The following FRZB variants were observed in gnomAD, a reference collection of about 807,000 sequenced individuals.
The protein encoded by FRZB is secreted frizzled-related protein 3.
Under a neutral mutation model 32.5 loss-of-function variants are expected in FRZB, and 34 were observed. The ratio of observed to expected loss-of-function variants is 1.05; its 90% CI spans 0.80 to 1.39. The LOEUF (loss-of-function observed/expected upper bound fraction) is 1.39. FRZB is among the 40% of genes most tolerant of loss of function. The probability of loss-of-function intolerance (pLI) is 0.00; values close to 1 mark genes in which losing one functional copy is unlikely to be tolerated. For synonymous variants in FRZB, 170 were observed against 159.2 expected, an observed-to-expected ratio of 1.07 and a Z score of -0.51; for missense variants, 423 against 424.8, an observed-to-expected ratio of 1.00 and a Z score of 0.04.
chr2:182,838,541 A>C lies in FRZB; in HGVS notation c.665T>G (p.Ile222Ser). Residue 222 changes from isoleucine to serine, a missense_variant, in exon 4 of 6, where the codon ATT becomes AGT. Physicochemically the swap from Ile to Ser is moderately radical, Grantham distance 142. Transcript: ENST00000295113. ...DVTAVVEVKEILKSSLVNIPR... is the reference protein window; with the variant it reads ...DVTAVVEVKESLKSSLVNIPR... ...AATGTTTACCAGAGAGGACTTTAGA[A>C]TCTCCTTCACCTCCACTACTGCAGT... 1.9e-6 allele frequency: 3 copies of C among 1,584,684 alleles called. No individual in the cohort carries two copies. The highest frequency in any genetic ancestry group is 2.6e-6 in the Non-Finnish European group (3 of 1,153,522).
chr2:182,840,676 CCAGA>C (rs1695577552), intron 3 of FRZB, among the ~76,000 whole-genome samples: 1 of 151,986 alleles, frequency 6.6e-6, no homozygotes, highest in African/African-American at 2.4e-5. Context: ...GTAAGAAATC[CCAGA>C]CAAATGGCAA....
Position 182,866,209 on chromosome 2 carries a change from G to T in FRZB, c.344C>A (p.Ala115Asp). Residue 115 changes from alanine (A) to aspartate (D), a missense_variant, in exon 1 of 6, where the codon GCC becomes GAC. By Grantham distance (126) the Ala-to-Asp change is moderately radical. Coordinates refer to ENST00000295113, the MANE Select transcript of FRZB (RefSeq NM_001463.4). This position sits in a 1 kb window ranked among gnomAD's most constrained non-coding sequence, Gnocchi z 4.5. Reference protein sequence around the residue: ...IKPCKSVCERARQGCEPILIK... With the variant: ...IKPCKSVCERDRQGCEPILIK... ...GAGTATGGGCTCACAGCCCTGCCGG[G>T]CCCGCTCGCACACAGACTTACAGGG... 4 of 1,614,186 alleles carry T rather than the reference G, an allele frequency of 2.5e-6. No individual in the cohort carries two copies. Among genetic ancestry groups the T allele is most frequent in the South Asian group, 2.2e-5 (2 of 91,080 alleles).
intron 2 of FRZB, among the ~76,000 whole-genome samples, chr2:182,847,867 G>T (rs145896874): frequency 3.3e-5 from 5 of 152,256 alleles, no homozygotes; most frequent in African/African-American, 1.2e-4. Context: ...AGTGAAACCA[G>T]TCACCTCAGT....
chr2:182,866,577 G>A lies in FRZB; in HGVS notation c.-25C>T. The A allele has an allele frequency of 7.1e-7, 1 of 1,410,052 alleles. No individual in the cohort carries two copies. Among genetic ancestry groups the A allele is most frequent in the Non-Finnish European group, 9.3e-7 (1 of 1,078,542 alleles). The allele number at this position is 1,410,052 out of a possible 1,614,324, so 87.3% of individuals were successfully genotyped here. ...TGATCCCGGCAGGATGGGGCAGGGT[G>A]CAGCCGCGCAGTGGACGCCAAAAGG... On this transcript the variant is annotated 5_prime_UTR_variant, in exon 1 of 6. Transcript: ENST00000295113. The surrounding 1 kb of genome is among the most constrained non-coding windows in gnomAD (Gnocchi z 4.5).
Position 182,866,515 on chromosome 2 carries a change from C to T in FRZB, c.38G>A (p.Arg13Gln). ...CGSPGGMLLL[R>Q]AGLLALAALC... is the part of the protein sequence containing the mutation. ...AGCAGCCAGGGCAAGCAGCCCGGCC[C>T]GCAGCAGCAGCATCCCTCCCGGGCT... Residue 13 changes from arginine to glutamine, a missense_variant, in exon 1 of 6, where the codon CGG becomes CAG. Coordinates refer to ENST00000295113, the MANE Select transcript of FRZB (RefSeq NM_001463.4). The surrounding 1 kb of genome is among the most constrained non-coding windows in gnomAD (Gnocchi z 4.5). 1 of 1,495,246 alleles carries T rather than the reference C, an allele frequency of 6.7e-7. No individual in the cohort carries two copies. The highest frequency in any genetic ancestry group is 1.4e-5 in the African/African-American group (1 of 72,234). The allele number at this position is 1,495,246 out of a possible 1,614,324, so 92.6% of individuals were successfully genotyped here.
At chr2:182,860,659 G>A (rs1695821179) in intron 1 of FRZB, among the ~76,000 whole-genome samples, 1 of 152,094 alleles carries the variant, frequency 6.6e-6, no homozygotes, top group Admixed American at 6.6e-5. Context: ...CTGAGGTCAG[G>A]AGTTCGAGAC....
chr2:182,846,327 CAGAGGTGTA>C (rs1192968290), intron 2 of FRZB, among the ~76,000 whole-genome samples: 1 of 152,064 alleles, frequency 6.6e-6, no homozygotes, highest in African/African-American at 2.4e-5. Flanking sequence ...GGGTCTTATC[CAGAGGTGTA>C]AGACTATAAT....
intron 5 of FRZB, among the ~76,000 whole-genome samples, chr2:182,837,242 T>C (rs753482742): frequency 3.3e-5 from 5 of 151,686 alleles, no homozygotes; most frequent in African/African-American, 4.8e-5. Flanking sequence ...AATTCCACAA[T>C]CTAAGAGTTA....
intron 1 of FRZB, among the ~76,000 whole-genome samples, chr2:182,862,273 C>T (rs887655990): frequency 1.3e-5 from 2 of 152,216 alleles, no homozygotes; most frequent in African/African-American, 4.8e-5. Flanking sequence ...CAGAAGCCAG[C>T]ACTGACTGAG....
At chr2:182,846,912 C>A (rs1559048322) in intron 2 of FRZB, among the ~76,000 whole-genome samples, 1 of 152,156 alleles carries the variant, frequency 6.6e-6, no homozygotes, top group African/African-American at 2.4e-5. Flanking sequence ...ATAGTAGTAT[C>A]TTCTGACTCC....
At chr2:182,858,900 C>A in intron 1 of FRZB, 67 bp from the exon 2 acceptor site, 1 of 1,317,012 alleles carries the variant, frequency 7.6e-7, no homozygotes, top group South Asian at 1.2e-5. Context: ...AGATAAAAAT[C>A]TAACTCAGTC....
intron 2 of FRZB, among the ~76,000 whole-genome samples, chr2:182,851,194 T>C (rs1169537598): frequency 6.6e-6 from 1 of 152,246 alleles, no homozygotes; most frequent in East Asian, 1.9e-4. Flanking sequence ...TTGTTGATTG[T>C]TTCCTTTGAT....
intron 2 of FRZB, among the ~76,000 whole-genome samples, chr2:182,846,516 T>C (rs1331157348): frequency 6.6e-6 from 1 of 152,192 alleles, no homozygotes; most frequent in Admixed American, 6.5e-5. Context: ...AATACAATTG[T>C]ATTTGTGTTA....
chr2:182,846,695 C>T (rs1017604371), intron 2 of FRZB, among the ~76,000 whole-genome samples: 55 of 152,158 alleles, frequency 3.6e-4, no homozygotes, highest in African/African-American at 1.3e-3. Context: ...CAAAGCACAA[C>T]ACATTTTAAA....
intron 2 of FRZB, among the ~76,000 whole-genome samples, chr2:182,849,241 A>C (rs1405522534): frequency 2.7e-5 from 1 of 37,108 alleles, no homozygotes; most frequent in African/African-American, 5.8e-5. Flanking sequence ...TAAATAAATA[A>C]ATAAATAAAT....
At chr2:182,841,515 T>C (rs1330167866) in intron 3 of FRZB, among the ~76,000 whole-genome samples, 1 of 152,174 alleles carries the variant, frequency 6.6e-6, no homozygotes, top group African/African-American at 2.4e-5. Context: ...TGTTTACTCA[T>C]TGACTCAACA....
At chr2:182,840,002 C>G (rs1247806234) in intron 3 of FRZB, among the ~76,000 whole-genome samples, 1 of 152,034 alleles carries the variant, frequency 6.6e-6, no homozygotes, top group African/African-American at 2.4e-5. Context: ...GTCACAAAAA[C>G]TTATTCTACC....
chr2:182,846,838 C>T (rs1476559424), intron 2 of FRZB, among the ~76,000 whole-genome samples: 2 of 152,130 alleles, frequency 1.3e-5, no homozygotes, highest in Non-Finnish European at 2.9e-5. Context: ...TTTAACAGTT[C>T]CATAATTTTT....
chr2:182,852,122 T>C (rs1354617764), intron 2 of FRZB, among the ~76,000 whole-genome samples: 1 of 152,214 alleles, frequency 6.6e-6, no homozygotes. Flanking sequence ...AGTAAACATT[T>C]GTACCAAAGA....
Sources: gnomAD v4.1 joint callset for allele counts (sites outside exome capture counted in the v4.1 genomes callset) on GRCh38, gnomAD v4.1.1 for gene constraint, Gnocchi (gnomAD v3.1) non-coding constraint, MANE v1.5 for transcripts, NCBI Gene and HGNC (gene_info 2026-07-23, HGNC 2026-07-21) for gene names.